Variants in PCDH9 observed in about 807,000 individuals in gnomAD.
PCDH9 encodes protocadherin-9.
A neutral mutation model predicts 70.6 loss-of-function variants in PCDH9; 24 were observed. The ratio of observed to expected loss-of-function variants is 0.34; its 90% confidence interval spans 0.25 to 0.48. The LOEUF is 0.48. PCDH9 is among the 20% of genes least tolerant of loss of function. The pLI is 0.99. For synonymous variants in PCDH9, 562 were observed against 558.5 expected (o/e 1.01, Z -0.09); for missense variants, 1,281 against 1,503.6 (o/e 0.85, Z 2.45).
At chr13:66,387,655 T>C (rs955265398) in intron 4 of PCDH9, among the ~76,000 whole-genome samples, 2 of 151,922 alleles carry the variant, frequency 1.3e-5, no homozygotes, top group Non-Finnish European at 2.9e-5. Context: ...GTCATGAGGC[T>C]CTATGAGGCC....
At chr13:67,063,194 G>A (rs1300285659) in intron 2 of PCDH9, among the ~76,000 whole-genome samples, 2 of 152,094 alleles carry the variant, frequency 1.3e-5, no homozygotes, top group East Asian at 3.9e-4. Flanking sequence ...TAACATTGCT[G>A]GTTGCTATGG....
intron 4 of PCDH9, among the ~76,000 whole-genome samples, chr13:66,499,793 G>T (rs1175051767): frequency 1.3e-5 from 2 of 152,212 alleles, no homozygotes; most frequent in African/African-American, 4.8e-5. Context: ...GGATCATGGA[G>T]ATGGATCCTT....
chr13:67,150,892 A>T (rs1271131479), intron 2 of PCDH9, among the ~76,000 whole-genome samples: 1 of 152,138 alleles, frequency 6.6e-6, no homozygotes, highest in Non-Finnish European at 1.5e-5. Flanking sequence ...TACATATACA[A>T]CAAGATTAGC....
chr13:66,502,033 C>T (rs1033257477), intron 4 of PCDH9, among the ~76,000 whole-genome samples: 6 of 152,068 alleles, frequency 3.9e-5, no homozygotes, highest in African/African-American at 1.4e-4. Context: ...GAAACAGATG[C>T]ATTTTTGCAA....
chr13:67,044,097 A>AC (rs1280941070), intron 2 of PCDH9, among the ~76,000 whole-genome samples: 5 of 152,080 alleles, frequency 3.3e-5, no homozygotes, highest in Non-Finnish European at 5.9e-5. Context: ...CTTGGAAGAC[A>AC]CCCAAGCATA....
At chr13:66,640,908 C>T (rs1450599446) in intron 3 of PCDH9, among the ~76,000 whole-genome samples, 2 of 151,948 alleles carry the variant, frequency 1.3e-5, no homozygotes, top group Admixed American at 1.3e-4. Context: ...TGGAGTCTCA[C>T]TCTGTCTCCC....
In PCDH9 at chr13:66,927,328, T is replaced by TA. The variant is rs372190566; in HGVS notation, c.3037-23724dup. ...ACTAAACACTGCATGTTCTCACTTGTAAGTGGGAGCTAAAATGATGACACA... is the reference window on the plus strand; with the variant it reads ...ACTAAACACTGCATGTTCTCACTTGTAAAGTGGGAGCTAAAATGATGACACA... On this transcript the variant is annotated intron_variant, in intron 2 of 4. Transcript: ENST00000377865. Among the ~76,000 whole-genome samples, 616 of 152,092 alleles carry TA rather than the reference T, an allele frequency of 4.1e-3. 6 individuals are homozygous for TA. Among genetic ancestry groups the TA allele is most frequent in the African/African-American group, 0.014 (601 of 41,512 alleles).
chr13:66,440,644 T>C (rs537329609), intron 4 of PCDH9, among the ~76,000 whole-genome samples: 1 of 152,262 alleles, frequency 6.6e-6, no homozygotes, highest in East Asian at 1.9e-4. Flanking sequence ...AAATAGCTAA[T>C]GAATAGAAGG....
intron 3 of PCDH9, among the ~76,000 whole-genome samples, chr13:66,824,919 C>T (rs2139390781): frequency 6.6e-6 from 1 of 151,652 alleles, no homozygotes; most frequent in Middle Eastern, 3.4e-3. Context: ...TAGCTGTTTT[C>T]GTGTCCCAGT....
intron 3 of PCDH9, among the ~76,000 whole-genome samples, chr13:66,649,716 G>C (rs2077823405): frequency 6.6e-6 from 1 of 151,960 alleles, no homozygotes; most frequent in African/African-American, 2.4e-5. Context: ...TGAGTAGAAA[G>C]ACTAGAAGGT....
intron 2 of PCDH9, among the ~76,000 whole-genome samples, chr13:67,055,453 G>T (rs969666369): frequency 1.3e-5 from 2 of 152,166 alleles, no homozygotes; most frequent in African/African-American, 2.4e-5. Context: ...CTCCCCTTAA[G>T]ATTTTTGGCT....
At chr13:66,610,538 G>C (rs964143969) in intron 4 of PCDH9, among the ~76,000 whole-genome samples, 2 of 152,074 alleles carry the variant, frequency 1.3e-5, no homozygotes, top group Non-Finnish European at 2.9e-5. Flanking sequence ...TATGCTGCTT[G>C]TCGCTTATGT....
chr13:66,669,942 TG>T (rs2078148731), intron 3 of PCDH9, among the ~76,000 whole-genome samples: 1 of 152,216 alleles, frequency 6.6e-6, no homozygotes, highest in Admixed American at 6.5e-5. Context: ...CTTACTCTTT[TG>T]TTTTTTTGTA....
chr13:66,696,004 T>C (rs1158663150), intron 3 of PCDH9, among the ~76,000 whole-genome samples: 1 of 152,176 alleles, frequency 6.6e-6, no homozygotes, highest in Non-Finnish European at 1.5e-5. Flanking sequence ...AATATGAATA[T>C]GGTGAAGAAT....
chr13:66,428,611 A>G (rs1333630932), intron 4 of PCDH9, among the ~76,000 whole-genome samples: 2 of 151,798 alleles, frequency 1.3e-5, no homozygotes, highest in Admixed American at 6.6e-5. Flanking sequence ...TTTATAAATC[A>G]GGGAAAATAA....
At chr13:67,182,435 C>A (rs1026029620) in intron 2 of PCDH9, among the ~76,000 whole-genome samples, 1 of 152,146 alleles carries the variant, frequency 6.6e-6, no homozygotes, top group Non-Finnish European at 1.5e-5. Flanking sequence ...TTCTTTACCA[C>A]CTTTTTTCGC....
At chr13:66,762,898 G>T (rs539897285) in intron 3 of PCDH9, among the ~76,000 whole-genome samples, 9 of 152,034 alleles carry the variant, frequency 5.9e-5, no homozygotes, top group African/African-American at 2.2e-4. Flanking sequence ...CAATGAATCA[G>T]TTCATATTTA....
chr13:66,895,146 C>T (rs1055554952), intron 3 of PCDH9, among the ~76,000 whole-genome samples: 5 of 151,914 alleles, frequency 3.3e-5, no homozygotes, highest in Non-Finnish European at 5.9e-5. Context: ...ATTTACAGTC[C>T]GTATTTTGAA....
chr13:66,851,798 T>G (rs1566241049), intron 3 of PCDH9, among the ~76,000 whole-genome samples: 1 of 152,208 alleles, frequency 6.6e-6, no homozygotes, highest in East Asian at 1.9e-4. Context: ...CTTGGTCTGC[T>G]AAGAAACTTG....
Sources: allele counts gnomAD v4.1 joint callset (sites outside exome capture counted in the v4.1 genomes callset), GRCh38; gene constraint gnomAD v4.1.1; transcripts MANE v1.5; gene names NCBI Gene and HGNC (gene_info 2026-07-23, HGNC 2026-07-21).